The following KMT2E variants were observed in gnomAD, a reference collection of about 807,000 sequenced individuals.
KMT2E encodes histone reader KMT2E.
In KMT2E, 30 loss-of-function variants were observed where a neutral mutation model predicts 184.6. The observed-to-expected ratio is 0.16, with a 90% CI of 0.12 to 0.22. The LOEUF is 0.22. KMT2E is among the 10% of genes least tolerant of loss of function. The pLI is 1.00. For synonymous variants in KMT2E, 815 were observed against 776.5 expected (o/e 1.05, Z -0.82); for missense variants, 2,023 against 2,237.4 (o/e 0.90, Z 1.93).
intron 3 of KMT2E, among the ~76,000 whole-genome samples, chr7:105,052,122 C>T (rs2129566220): frequency 6.6e-6 from 1 of 152,290 alleles, no homozygotes; most frequent in Non-Finnish European, 1.5e-5. Context: ...AAAATATTAA[C>T]TTTTTATGAC....
intron 5 of KMT2E, chr7:105,063,841 A>G (rs942202631): frequency 6.1e-6 from 3 of 488,996 alleles, no homozygotes; most frequent in South Asian, 2.2e-5. Context: ...CACTTAGTTC[A>G]ATAGTAGTAC....
intron 5 of KMT2E, among the ~76,000 whole-genome samples, chr7:105,066,318 A>T (rs1797026053): frequency 2.0e-5 from 3 of 152,040 alleles, no homozygotes; most frequent in South Asian, 4.1e-4. Flanking sequence ...TTCTCTTCAT[A>T]TCTGATAAAT....
chr7:105,031,479 C>T (rs140559495), intron 1 of KMT2E, among the ~76,000 whole-genome samples: 168 of 151,832 alleles, frequency 1.1e-3, no homozygotes, highest in Non-Finnish European at 1.6e-3. Context: ...AGGTGAGGCA[C>T]GGTGGCTCAT....
chr7:105,039,277 C>G (rs530905357), intron 2 of KMT2E: 1 of 152,240 alleles, frequency 6.6e-6, no homozygotes, highest in East Asian at 1.9e-4. Flanking sequence ...GTGGTGTGTA[C>G]TGAGGATGGC....
chr7:105,022,520 CTTAG>C lies in KMT2E; in HGVS notation c.-189+7989_-189+7992del, dbSNP rs1794999274. ...TTTACTATTATGTTCATTTTGATAG[CTTAG>C]TTAAGGTGTTGAGTAGTTTCTCTAT... On this transcript the variant is annotated intron_variant, in intron 1 of 26. Coordinates refer to ENST00000311117, the MANE Select transcript of KMT2E (RefSeq NM_182931.3). Among the ~76,000 whole-genome samples, 5 of 151,742 alleles carry C rather than the reference CTTAG, an allele frequency of 3.3e-5. No individual in the cohort carries two copies. In the South Asian group the frequency reaches 1.0e-3, roughly 32 times the overall value.
chr7:105,052,744 T>A (rs374899545), intron 3 of KMT2E, among the ~76,000 whole-genome samples: 9 of 151,392 alleles, frequency 5.9e-5, no homozygotes, highest in East Asian at 1.9e-4. Flanking sequence ...TTTATTTTTT[T>A]ATTTTTTTTA....
At chr7:105,026,985 A>C (rs891200010) in intron 1 of KMT2E, among the ~76,000 whole-genome samples, 7 of 152,114 alleles carry the variant, frequency 4.6e-5, no homozygotes. Flanking sequence ...CTCATGCTTA[A>C]ATGGTTTTTA....
chr7:105,019,467 A>G (rs993820720), intron 1 of KMT2E, among the ~76,000 whole-genome samples: 6 of 152,344 alleles, frequency 3.9e-5, no homozygotes, highest in Middle Eastern at 6.8e-3. Context: ...GACATTTTCA[A>G]TGCAACAGGT....
intron 3 of KMT2E, among the ~76,000 whole-genome samples, chr7:105,042,219 G>A (rs776797200): frequency 2.1e-4 from 32 of 152,148 alleles, no homozygotes; most frequent in Admixed American, 5.2e-4. Flanking sequence ...TCGAACTCCT[G>A]GGCTCAAGCG....
Position 105,112,180 on chromosome 7 carries a change from G to C in KMT2E, c.4424G>C (p.Gly1475Ala), listed in dbSNP as rs1799326202. 1 of 1,613,928 alleles carries C rather than the reference G, an allele frequency of 6.2e-7. No individual in the cohort carries two copies. Among genetic ancestry groups the C allele is most frequent in the African/African-American group, 1.3e-5 (1 of 74,892 alleles). The change falls in exon 27 of 27, where the codon GGA (glycine) becomes GCA (alanine). Residue 1475 changes from glycine (G) to alanine (A), a missense_variant. By Grantham distance (60) the Gly-to-Ala change is moderately conservative. Around this residue, in one of 8 missense-constraint regions of KMT2E, gnomAD observed 1,108 missense variants for 1,050.9 expected, o/e 1.05. Transcript: ENST00000311117. The part of the protein sequence containing the change: ...LSPKPPSQQL[G>A]SPYRPHHSQS... ...CCAAAGCCTCCTTCACAGCAGTTAG[G>C]ATCTCCCTACAGGCCTCATCATTCA... is the stretch of plus-strand genomic sequence containing the variant.
At chr7:105,109,919 C>A (rs1799120610) in intron 23 of KMT2E, among the ~76,000 whole-genome samples, 1 of 150,566 alleles carries the variant, frequency 6.6e-6, no homozygotes, top group Non-Finnish European at 1.5e-5. Context: ...TCTCGGCTCA[C>A]TGCAAGCTCC....
In KMT2E at chr7:105,107,662, A is replaced by G; in HGVS notation, c.3205A>G (p.Lys1069Glu). 1 of 1,614,170 alleles carries G rather than the reference A, an allele frequency of 6.2e-7. No individual in the cohort carries two copies. The highest frequency in any genetic ancestry group is 2.2e-5 in the East Asian group (1 of 44,866). Reference protein sequence around the residue: ...GRGTMYSSWVKSPDRTGVNFS... With the variant: ...GRGTMYSSWVESPDRTGVNFS... Reference sequence around the variant, plus strand: ...GGGCACAATGTATTCTTCCTGGGTAAAGAGCCCTGACAGAACAGGAGTTAA... The same window carrying G: ...GGGCACAATGTATTCTTCCTGGGTAGAGAGCCCTGACAGAACAGGAGTTAA... The change falls in exon 22 of 27, where the codon AAG becomes GAG. Residue 1069 changes from lysine (K) to glutamate (E), a missense_variant. Around this residue, in one of 8 missense-constraint regions of KMT2E, gnomAD observed 1,108 missense variants for 1,050.9 expected, o/e 1.05. Transcript: ENST00000311117.
At position 105,098,936 on chromosome 7, in the gene KMT2E, C is replaced by CT. The variant is rs60934768; in HGVS notation, c.1723-2488dup. ...GGGTTAATTAGGAATCCTAATTTCTCTATCTCCAGAGTCAGCTCTAACTAC... is the reference window on the plus strand; with the variant it reads ...GGGTTAATTAGGAATCCTAATTTCTCTTATCTCCAGAGTCAGCTCTAACTAC... On this transcript the variant is annotated intron_variant, in intron 15 of 26. Coordinates refer to ENST00000311117, the MANE Select transcript of KMT2E (RefSeq NM_182931.3). Among the ~76,000 whole-genome samples, 453 of 152,256 alleles carry CT rather than the reference C, an allele frequency of 3.0e-3. 2 individuals are homozygous for CT. Among genetic ancestry groups the CT allele is most frequent in the African/African-American group, 0.011 (437 of 41,552 alleles).
chr7:105,048,850 T>TTTGCCTACCAC (rs1388220073), intron 3 of KMT2E, among the ~76,000 whole-genome samples: 1 of 152,208 alleles, frequency 6.6e-6, no homozygotes, highest in Non-Finnish European at 1.5e-5. Flanking sequence ...AGGGTTCTAG[T>TTTGCCTACCAC]TTGCCTACCA....
At position 105,070,466 on chromosome 7, in the gene KMT2E, A is replaced by G. The variant is rs1268808608; in HGVS notation, c.498-3153A>G. On this transcript the variant is annotated intron_variant, in intron 6 of 26. Coordinates refer to ENST00000311117, the MANE Select transcript of KMT2E (RefSeq NM_182931.3). ...GGCAACATGGCAAGGCACCATTGCT[A>G]CCAAAAAAAATACAAAAATTAGCCG... Among the ~76,000 whole-genome samples, 6 of 151,586 alleles carry G rather than the reference A, an allele frequency of 4.0e-5. No individual in the cohort carries two copies. In the East Asian group the frequency reaches 1.2e-3, roughly 29 times the overall value.
In KMT2E at chr7:105,107,348, TA is replaced by T. The variant is rs763206421; in HGVS notation, c.2905-12del. The T allele has an allele frequency of 6.5e-7, 1 of 1,546,942 alleles. No individual in the cohort carries two copies. On this transcript the variant is annotated splice_polypyrimidine_tract_variant and intron_variant, in intron 21 of 26. Coordinates refer to ENST00000311117, the MANE Select transcript of KMT2E (RefSeq NM_182931.3). ...TGATTATTTGTGTAATTTTTTTTTTTAATTTGTAAACAGGGATATGACAGAT... is the reference window on the plus strand; with the variant it reads ...TGATTATTTGTGTAATTTTTTTTTTTATTTGTAAACAGGGATATGACAGAT...
intron 5 of KMT2E, chr7:105,064,173 T>G (rs1358378166): frequency 3.5e-6 from 1 of 288,028 alleles, no homozygotes; most frequent in Non-Finnish European, 6.6e-6. Flanking sequence ...GGTTTTTTTT[T>G]TTTTTTTTTT....
chr7:105,101,904 A>G lies in KMT2E; in HGVS notation c.1906A>G (p.Asn636Asp). 1 of 1,609,180 alleles carries G rather than the reference A, an allele frequency of 6.2e-7. No individual in the cohort carries two copies. The highest frequency in any genetic ancestry group is 8.5e-7 in the Non-Finnish European group (1 of 1,178,802). ...GAATTAGGAACAAGCAAAAGAAGAA[A>G]ATGCTAGCAAGCCAACCCCTGCCAA... ...EVIQEQAKEE[N>D]ASKPTPAKVN... is the part of the protein sequence containing the mutation. Residue 636 changes from asparagine to aspartate, a missense_variant, in exon 17 of 27, where the codon AAT (asparagine) becomes GAT (aspartate). Physicochemically the swap from Asn to Asp is conservative, Grantham distance 23. Around this residue, in one of 8 missense-constraint regions of KMT2E, gnomAD observed 514 missense variants for 621.8 expected, o/e 0.83. Coordinates refer to ENST00000311117, the MANE Select transcript of KMT2E (RefSeq NM_182931.3).
chr7:105,089,278 A>C, intron 13 of KMT2E: 1 of 425,732 alleles, frequency 2.3e-6, no homozygotes, highest in Non-Finnish European at 4.7e-6. Context: ...GGCTCACTGC[A>C]ACTTCTGCCT....
Sources: allele counts gnomAD v4.1 joint callset (sites outside exome capture counted in the v4.1 genomes callset), GRCh38; gene constraint gnomAD v4.1.1; regional missense constraint gnomAD v4.1.1; transcripts MANE v1.5; gene names NCBI Gene and HGNC (gene_info 2026-07-23, HGNC 2026-07-21).